Variants in MECOM observed in about 807,000 individuals in gnomAD.
The protein encoded by MECOM is histone-lysine N-methyltransferase MECOM.
MECOM carries 13 observed loss-of-function variants against 116.3 expected under a neutral mutation model. The observed-to-expected ratio is 0.11, with a 90% CI of 0.07 to 0.18. MECOM has a LOEUF of 0.18. Ranked by LOEUF, MECOM falls within the 10% of genes least tolerant of loss-of-function variation. MECOM has a pLI of 1.00. For missense variants in MECOM, 1,299 were observed against 1,509.0 expected (o/e 0.86, Z 2.31); for synonymous variants, 528 against 535.2 (o/e 0.99, Z 0.19).
intron 2 of MECOM, among the ~76,000 whole-genome samples, chr3:169,219,268 A>G (rs1410509864): frequency 6.6e-6 from 1 of 152,200 alleles, no homozygotes; most frequent in Non-Finnish European, 1.5e-5. Flanking sequence ...GCACTTCGGG[A>G]GGCCGAGGAG....
At chr3:169,297,164 A>C (rs1193693747) in intron 2 of MECOM, among the ~76,000 whole-genome samples, 2 of 152,354 alleles carry the variant, frequency 1.3e-5, no homozygotes, top group East Asian at 1.9e-4. Flanking sequence ...GATCCAAACA[A>C]ACCAAAAATG....
intron 1 of MECOM, among the ~76,000 whole-genome samples, chr3:169,443,381 G>T (rs1323855322): frequency 6.6e-6 from 1 of 152,120 alleles, no homozygotes; most frequent in Non-Finnish European, 1.5e-5. Flanking sequence ...AGGGAAGGGG[G>T]AAGAAATGTA....
At chr3:169,498,455 C>T (rs2421745) in intron 1 of MECOM, among the ~76,000 whole-genome samples, 7,511 of 152,214 alleles carry the variant, frequency 0.049, 412 homozygotes, top group East Asian at 0.31. Flanking sequence ...AAAGGATGCT[C>T]GGTTTATGCC....
intron 1 of MECOM, among the ~76,000 whole-genome samples, chr3:169,420,292 T>C (rs1739483469): frequency 2.0e-5 from 3 of 152,102 alleles, no homozygotes; most frequent in Non-Finnish European, 4.4e-5. Flanking sequence ...AGTGATGTCC[T>C]AGAAAGAGCT....
At position 169,290,247 on chromosome 3, in the gene MECOM, G is replaced by C. The variant is rs556756739; in HGVS notation, c.375+90940C>G. On this transcript the variant is annotated intron_variant, in intron 2 of 16. Coordinates refer to ENST00000651503, the MANE Select transcript of MECOM (RefSeq NM_004991.4). ...ATGGGGCACACTTGAGATATTTTTG[G>C]GAAAAACACAGTAACTGGGGGAAAA... Among the ~76,000 whole-genome samples the C allele has an allele frequency of 5.3e-4, 80 of 152,134 alleles. 1 individual carries two copies. The highest frequency in any genetic ancestry group is 1.5e-3 in the South Asian group (7 of 4,816).
chr3:169,595,963 G>C (rs542982603), intron 1 of MECOM, among the ~76,000 whole-genome samples: 1 of 152,070 alleles, frequency 6.6e-6, no homozygotes, highest in South Asian at 2.1e-4. Context: ...TCAGACACTA[G>C]CACACCAATA....
At chr3:169,635,022 G>T (rs1370567331) in intron 1 of MECOM, among the ~76,000 whole-genome samples, 1 of 152,060 alleles carries the variant, frequency 6.6e-6, no homozygotes. Flanking sequence ...CAGTGTTCTG[G>T]GTGCTGCAGC....
At chr3:169,468,508 C>T (rs1748679444) in intron 1 of MECOM, among the ~76,000 whole-genome samples, 1 of 152,076 alleles carries the variant, frequency 6.6e-6, no homozygotes, top group Admixed American at 6.5e-5. Context: ...CTTTCCCGTG[C>T]CTCAGAGCCT....
At chr3:169,176,143 C>CA (rs72232009) in intron 2 of MECOM, among the ~76,000 whole-genome samples, 5,002 of 140,894 alleles carry the variant, frequency 0.036, 94 homozygotes, top group African/African-American at 0.059. Flanking sequence ...ACATACACAC[C>CA]AAAAAAAAAA....
intron 1 of MECOM, among the ~76,000 whole-genome samples, chr3:169,399,629 T>G (rs752061162): frequency 1.8e-4 from 27 of 152,132 alleles, no homozygotes; most frequent in Non-Finnish European, 2.6e-4. Flanking sequence ...TAAACCAGAG[T>G]ACTGAGCTAA....
chr3:169,652,576 G>GT (rs1222741437), intron 1 of MECOM, among the ~76,000 whole-genome samples: 1 of 152,172 alleles, frequency 6.6e-6, no homozygotes, highest in African/African-American at 2.4e-5. Context: ...TATAGAGATG[G>GT]TTGATTTGTG....
At chr3:169,604,587 A>G (rs1333830655) in intron 1 of MECOM, among the ~76,000 whole-genome samples, 1 of 152,214 alleles carries the variant, frequency 6.6e-6, no homozygotes, top group Non-Finnish European at 1.5e-5. Flanking sequence ...ACAGCTGAAG[A>G]CACAGGGAGC....
chr3:169,137,091 C>T (rs1736583125), intron 3 of MECOM, among the ~76,000 whole-genome samples: 1 of 152,024 alleles, frequency 6.6e-6, no homozygotes, highest in Non-Finnish European at 1.5e-5. Context: ...TTCCAGCTCC[C>T]AACATTTGGC....
At chr3:169,645,922 G>A (rs1182989348) in intron 1 of MECOM, among the ~76,000 whole-genome samples, 1 of 152,112 alleles carries the variant, frequency 6.6e-6, no homozygotes, top group South Asian at 2.1e-4. Flanking sequence ...TTGGATTGGG[G>A]TTAGTATTTT....
chr3:169,187,739 C>G lies in MECOM; in HGVS notation c.376-43907G>C, dbSNP rs193095078. Among the ~76,000 whole-genome samples the G allele has an allele frequency of 3.5e-3, 530 of 152,176 alleles. 3 individuals carry two copies. Among genetic ancestry groups the G allele is most frequent in the African/African-American group, 0.012 (498 of 41,544 alleles). ...GAAATGGAACAAGAGACCAGACATA[C>G]CTGCTTTATGTTAAAGAAAAGCATG... On this transcript the variant is annotated intron_variant, in intron 2 of 16. Transcript: ENST00000651503.
intron 2 of MECOM, among the ~76,000 whole-genome samples, chr3:169,165,919 A>G (rs1260947912): frequency 6.6e-6 from 1 of 152,178 alleles, no homozygotes; most frequent in African/African-American, 2.4e-5. Context: ...TTGAGATGGA[A>G]AACATTTGGT....
At position 169,108,045 on chromosome 3, in the gene MECOM, C is replaced by A. The variant is rs1726038166; in HGVS notation, c.2578-93G>T. The A allele has an allele frequency of 5.5e-6, 6 of 1,081,798 alleles. No homozygotes were observed. In the South Asian group the frequency reaches 5.8e-5, roughly 10 times the overall value. 67.0% of individuals were successfully genotyped at this position (1,081,798 alleles called of 1,614,324 possible). A position where few individuals can be genotyped will look rare whatever the true frequency, so the allele number is the denominator to read the frequency against. ...TTTGAGAAATTAACATTTGTACTAA[C>A]TTAGTAATTTTTGCTTATCATGTAA... On this transcript the variant is annotated intron_variant, in intron 9 of 16. Transcript: ENST00000651503.
At chr3:169,630,375 G>A (rs1771937129) in intron 1 of MECOM, among the ~76,000 whole-genome samples, 1 of 151,358 alleles carries the variant, frequency 6.6e-6, no homozygotes, top group Non-Finnish European at 1.5e-5. Context: ...GGAGTTTGGG[G>A]CATTTTTCTC....
chr3:169,120,307 G>GA (rs1174573311), intron 7 of MECOM, among the ~76,000 whole-genome samples: 1 of 152,272 alleles, frequency 6.6e-6, no homozygotes, highest in African/African-American at 2.4e-5. Context: ...TGGGCGGAGA[G>GA]AAGAAAAAGC....
Sources: allele counts gnomAD v4.1 joint callset (sites outside exome capture counted in the v4.1 genomes callset), GRCh38; gene constraint gnomAD v4.1.1; transcripts MANE v1.5; gene names NCBI Gene and HGNC (gene_info 2026-07-23, HGNC 2026-07-21).